The following GNA14 variants were observed in gnomAD, a reference collection of about 807,000 sequenced individuals.
GNA14 encodes guanine nucleotide-binding protein subunit alpha-14.
GNA14 carries 50 observed loss-of-function variants against 42.0 expected under a neutral mutation model. The observed-to-expected ratio is 1.19, with a 90% confidence interval of 0.95 to 1.51. GNA14 has a LOEUF of 1.51. Among genes scored for constraint, GNA14 ranks in the 40% most tolerant of loss-of-function variants. GNA14 has a pLI of 0.00. For synonymous variants in GNA14, 173 were observed against 163.1 expected, an observed-to-expected ratio of 1.06 and a Z score of -0.46; for missense variants, 473 against 446.2, an observed-to-expected ratio of 1.06 and a Z score of -0.54.
intron 1 of GNA14, among the ~76,000 whole-genome samples, chr9:77,605,794 G>A (rs13288710): frequency 6.6e-6 from 1 of 152,156 alleles, no homozygotes; most frequent in Admixed American, 6.5e-5. Flanking sequence ...TTTCTAGTTA[G>A]CAAGTTTCGC....
chr9:77,486,327 G>A (rs1181179077), intron 2 of GNA14, among the ~76,000 whole-genome samples: 4 of 152,070 alleles, frequency 2.6e-5, no homozygotes, highest in Non-Finnish European at 4.4e-5. Flanking sequence ...TCATAGAATC[G>A]AAGAGAGTTA....
chr9:77,636,652 A>AAG (rs3081112), intron 1 of GNA14, among the ~76,000 whole-genome samples: 37,534 of 151,874 alleles, frequency 0.25, 6,606 homozygotes, highest in African/African-American at 0.49. Flanking sequence ...GAGAGGAAGC[A>AAG]AGAGAGGTGG....
chr9:77,444,232 A>G (rs1198535977), intron 2 of GNA14, among the ~76,000 whole-genome samples: 3 of 152,322 alleles, frequency 2.0e-5, no homozygotes, highest in Admixed American at 2.0e-4. Flanking sequence ...GGACGCATCC[A>G]CTTTCCGGGT....
intron 2 of GNA14, among the ~76,000 whole-genome samples, chr9:77,453,113 C>T (rs914061511): frequency 6.6e-6 from 1 of 152,088 alleles, no homozygotes; most frequent in African/African-American, 2.4e-5. Flanking sequence ...GCACTCTAGC[C>T]TGGGTGACAG....
intron 2 of GNA14, among the ~76,000 whole-genome samples, chr9:77,495,846 G>A (rs1012504867): frequency 6.6e-6 from 1 of 152,162 alleles, no homozygotes; most frequent in Non-Finnish European, 1.5e-5. Flanking sequence ...GTTGTTCTGA[G>A]CTAACCTAGC....
intron 2 of GNA14, among the ~76,000 whole-genome samples, chr9:77,511,235 T>C (rs553001836): frequency 6.6e-6 from 1 of 152,180 alleles, no homozygotes; most frequent in African/African-American, 2.4e-5. Context: ...TCTGGTCAAG[T>C]TCTTCTGGGT....
intron 1 of GNA14, among the ~76,000 whole-genome samples, chr9:77,569,897 G>A (rs948439638): frequency 1.3e-5 from 2 of 151,900 alleles, no homozygotes; most frequent in African/African-American, 4.8e-5. Flanking sequence ...CTCCCCAACA[G>A]CTGGGATTAC....
At chr9:77,620,102 G>GCACA (rs144037214) in intron 1 of GNA14, among the ~76,000 whole-genome samples, 1 of 150,774 alleles carries the variant, frequency 6.6e-6, no homozygotes, top group Non-Finnish European at 1.5e-5. Context: ...ACACACACGT[G>GCACA]CACACACACA....
At chr9:77,461,120 G>T (rs1383829439) in intron 2 of GNA14, among the ~76,000 whole-genome samples, 1 of 152,192 alleles carries the variant, frequency 6.6e-6, no homozygotes, top group Non-Finnish European at 1.5e-5. Context: ...TGAGTCCCAG[G>T]TGGGTCCCCA....
intron 1 of GNA14, among the ~76,000 whole-genome samples, chr9:77,586,445 G>A (rs1823304124): frequency 6.6e-6 from 1 of 152,162 alleles, no homozygotes; most frequent in Non-Finnish European, 1.5e-5. Flanking sequence ...TCAGAGTGAG[G>A]TGCTACTTCA....
At chr9:77,634,730 AAAAG>A (rs1381093523) in intron 1 of GNA14, among the ~76,000 whole-genome samples, 2 of 152,174 alleles carry the variant, frequency 1.3e-5, no homozygotes, top group African/African-American at 4.8e-5. Context: ...TCACAAACAA[AAAAG>A]ACTTTCAGCT....
intron 1 of GNA14, 134 bp downstream of exon 1, chr9:77,647,536 G>T: frequency 1.0e-6 from 1 of 1,004,946 alleles, no homozygotes; most frequent in Non-Finnish European, 1.4e-6. Flanking sequence ...GCATCCGTGA[G>T]CTCCGAGGGG....
chr9:77,479,278 A>T (rs987984105), intron 2 of GNA14, among the ~76,000 whole-genome samples: 1 of 152,170 alleles, frequency 6.6e-6, no homozygotes, highest in Non-Finnish European at 1.5e-5. Context: ...GTTAAACAGG[A>T]AATCCTTTCC....
At chr9:77,545,006 CAA>C (rs2131778285) in intron 1 of GNA14, among the ~76,000 whole-genome samples, 1 of 151,918 alleles carries the variant, frequency 6.6e-6, no homozygotes, top group East Asian at 1.9e-4. Context: ...TATGATTGTC[CAA>C]AAGTTTGGTT....
At chr9:77,599,764 G>T (rs1307953502) in intron 1 of GNA14, among the ~76,000 whole-genome samples, 1 of 152,142 alleles carries the variant, frequency 6.6e-6, no homozygotes, top group Non-Finnish European at 1.5e-5. Flanking sequence ...TTCTCCTAGT[G>T]AGACATCCCT....
intron 1 of GNA14, among the ~76,000 whole-genome samples, chr9:77,566,810 A>G (rs942797129): frequency 6.9e-6 from 1 of 145,672 alleles, no homozygotes; most frequent in Non-Finnish European, 1.5e-5. Context: ...GGGTCCTGGA[A>G]TTGTTAATTT....
chr9:77,628,334 T>C (rs1031725723), intron 1 of GNA14, among the ~76,000 whole-genome samples: 1 of 152,224 alleles, frequency 6.6e-6, no homozygotes, highest in Admixed American at 6.5e-5. Context: ...ATAGATTCAA[T>C]GCTATCCCCA....
intron 1 of GNA14, among the ~76,000 whole-genome samples, chr9:77,632,794 C>T (rs1026053168): frequency 6.6e-6 from 1 of 152,188 alleles, no homozygotes; most frequent in Admixed American, 6.5e-5. Context: ...TGACTCTGCA[C>T]AGTGGCCGGA....
chr9:77,593,110 C>T (rs772926114), intron 1 of GNA14, among the ~76,000 whole-genome samples: 7 of 152,082 alleles, frequency 4.6e-5, no homozygotes, highest in Non-Finnish European at 1.0e-4. Context: ...CAAACTTTGT[C>T]CTAGATTCAT....
Sources: allele counts gnomAD v4.1 joint callset (sites outside exome capture counted in the v4.1 genomes callset), GRCh38; gene constraint gnomAD v4.1.1; transcripts MANE v1.5; gene names NCBI Gene and HGNC (gene_info 2026-07-23, HGNC 2026-07-21).